The following OR2C1 variants were observed in gnomAD, a reference collection of about 807,000 sequenced individuals.
OR2C1 encodes olfactory receptor family 2 subfamily C member 1, also known as olfactory receptor 2C1.
For synonymous variants in OR2C1, 209 were observed against 167.3 expected, an observed-to-expected ratio of 1.25 and a Z score of -1.92; for missense variants, 468 against 388.3, an observed-to-expected ratio of 1.21 and a Z score of -1.73.
upstream of OR2C1, among the ~76,000 whole-genome samples, chr16:3,354,715 C>A (rs1037067166): frequency 7.9e-5 from 12 of 152,172 alleles, no homozygotes; most frequent in Non-Finnish European, 1.6e-4. Flanking sequence ...TTTCCAAATA[C>A]AATGTGTCTG....
upstream of OR2C1, among the ~76,000 whole-genome samples, chr16:3,353,129 C>T (rs1312017732): frequency 2.0e-5 from 3 of 152,028 alleles, no homozygotes; most frequent in African/African-American, 7.2e-5. Context: ...GGAAGAACTT[C>T]TGAAAAGAAA....
the OR2C1 span, among the ~76,000 whole-genome samples, chr16:3,333,264 G>C: frequency 1.9e-5 from 1 of 52,664 alleles, no homozygotes; most frequent in African/African-American, 7.0e-5. Flanking sequence ...TGAGTTGTTT[G>C]AGTGCCTTAT....
At chr16:3,347,917 G>T in the OR2C1 span, among the ~76,000 whole-genome samples, 16 of 151,990 alleles carry the variant, frequency 1.1e-4, no homozygotes, top group Admixed American at 2.6e-4. Flanking sequence ...TTTTCTTATG[G>T]TAGGTGGAAA....
At chr16:3,342,289 T>G in the OR2C1 span, among the ~76,000 whole-genome samples, 12 of 151,994 alleles carry the variant, frequency 7.9e-5, no homozygotes, top group African/African-American at 2.9e-4. Context: ...AAACCAACAT[T>G]AAGACAGAAA....
the OR2C1 span, among the ~76,000 whole-genome samples, chr16:3,330,045 G>A: frequency 7.9e-5 from 12 of 152,006 alleles, no homozygotes; most frequent in Middle Eastern, 3.4e-3. Flanking sequence ...GAGCCACCGC[G>A]CCTGGCCTTA....
chr16:3,325,836 A>G, the OR2C1 span, among the ~76,000 whole-genome samples: 1 of 152,044 alleles, frequency 6.6e-6, no homozygotes, highest in Non-Finnish European at 1.5e-5. Context: ...TTGCCATGCT[A>G]AATGAGGCAT....
Position 3,356,763 on chromosome 16 carries a change from T to C in OR2C1, c.823T>C (p.Ser275Pro). The change falls in exon 1 of 1, where the codon TCC (serine) becomes CCC (proline). Residue 275 changes from serine to proline, a missense_variant. By Grantham distance (74) the Ser-to-Pro change is moderately conservative. Transcript: ENST00000304936. ...CAAACAGGACCAGGGCAAGTTCATT[T>C]CCCTGTTCTACTCGTTGGTCACACC... ...NSKQDQGKFI[S>P]LFYSLVTPMV... 6.2e-7 allele frequency: 1 copy of C among 1,614,158 alleles called. No homozygotes were observed. Among genetic ancestry groups the C allele is most frequent in the Non-Finnish European group, 8.5e-7 (1 of 1,180,026 alleles).
chr16:3,348,234 A>C, the OR2C1 span, among the ~76,000 whole-genome samples: 1 of 152,206 alleles, frequency 6.6e-6, no homozygotes, highest in Non-Finnish European at 1.5e-5. Flanking sequence ...AATAAAGTGG[A>C]AAAAGTGAAT....
chr16:3,358,048 C>G (rs2030713158), downstream of OR2C1, among the ~76,000 whole-genome samples: 1 of 151,948 alleles, frequency 6.6e-6, no homozygotes. Context: ...ATATATCTCT[C>G]CATCATCTTG....
At chr16:3,357,483 T>G (rs1234887838), downstream of OR2C1, among the ~76,000 whole-genome samples, 5 of 152,152 alleles carry the variant, frequency 3.3e-5, no homozygotes, top group Admixed American at 3.3e-4. Context: ...AAGCAATCCT[T>G]CAGTCTTCTG....
chr16:3,329,911 T>C, the OR2C1 span, among the ~76,000 whole-genome samples: 1 of 150,738 alleles, frequency 6.6e-6, no homozygotes, highest in Admixed American at 6.6e-5. Context: ...CCCGCCATTA[T>C]GCCTGGCTAA....
chr16:3,329,169 GACACACACAC>G, the OR2C1 span, among the ~76,000 whole-genome samples: 444 of 115,148 alleles, frequency 3.9e-3, 2 homozygotes, highest in South Asian at 0.046. Flanking sequence ...TGGGAGGGAA[GACACACACAC>G]ACACACACAC....
Position 3,356,630 on chromosome 16 carries a change from T to G in OR2C1, c.690T>G (p.Ser230=), listed in dbSNP as rs568122326. ...CTCAGGCAGTGCTGAAAATCCGCTC[T>G]GCAGAGGGGAGGCGAAAGGCGTTCA... ...LIAQAVLKIR[S]AEGRRKAFNT... The change falls in exon 1 of 1, where the codon TCT becomes TCG. Residue 230 remains serine (S), a synonymous_variant. Coordinates refer to ENST00000304936, the MANE Select transcript of OR2C1 (RefSeq NM_012368.3). The G allele has an allele frequency of 6.2e-7, 1 of 1,614,204 alleles. No homozygotes were observed. Among genetic ancestry groups the G allele is most frequent in the East Asian group, 2.2e-5 (1 of 44,888 alleles).
the OR2C1 span, among the ~76,000 whole-genome samples, chr16:3,325,461 ATAT>A: frequency 3.9e-5 from 3 of 76,576 alleles, no homozygotes; most frequent in African/African-American, 1.0e-4. Context: ...ATGTCTAAAA[ATAT>A]ATATATATAT....
chr16:3,342,172 A>T, the OR2C1 span, among the ~76,000 whole-genome samples: 1 of 151,960 alleles, frequency 6.6e-6, no homozygotes, highest in Non-Finnish European at 1.5e-5. Flanking sequence ...AATCACTTGA[A>T]CTCAGGGGGC....
At chr16:3,332,671 A>T in the OR2C1 span, among the ~76,000 whole-genome samples, 1 of 151,532 alleles carries the variant, frequency 6.6e-6, no homozygotes, top group Non-Finnish European at 1.5e-5. Flanking sequence ...GATGCTACAA[A>T]TGACAAGATT....
chr16:3,336,227 T>C, the OR2C1 span, among the ~76,000 whole-genome samples: 40 of 152,228 alleles, frequency 2.6e-4, no homozygotes, highest in Non-Finnish European at 2.9e-4. Context: ...TGTTTATTGA[T>C]TTGTATCCCT....
At chr16:3,328,766 A>C in the OR2C1 span, among the ~76,000 whole-genome samples, 1 of 152,168 alleles carries the variant, frequency 6.6e-6, no homozygotes, top group Admixed American at 6.5e-5. Context: ...GAGCAATGAC[A>C]AACAGGGTTG....
chr16:3,344,122 G>A, the OR2C1 span, among the ~76,000 whole-genome samples: 4 of 151,646 alleles, frequency 2.6e-5, no homozygotes, highest in African/African-American at 4.8e-5. Context: ...TTGGTAGGCC[G>A]AGGCACGAGA....
Sources: gnomAD v4.1 joint callset for allele counts (sites outside exome capture counted in the v4.1 genomes callset) on GRCh38, gnomAD v4.1.1 for gene constraint, MANE v1.5 for transcripts, NCBI Gene and HGNC (gene_info 2026-07-23, HGNC 2026-07-21) for gene names.